Variants in ST18 observed in about 807,000 individuals in gnomAD.
The protein encoded by ST18 is suppression of tumorigenicity 18 protein.
A neutral mutation model predicts 110.0 loss-of-function variants in ST18; 50 were observed. That is an observed-to-expected ratio of 0.45 (90% CI 0.36 to 0.58). The LOEUF is 0.58. Ranked by LOEUF, ST18 falls within the 20% of genes least tolerant of loss-of-function variation. The probability of loss-of-function intolerance (pLI) is 0.00; values close to 1 mark genes in which losing one functional copy is unlikely to be tolerated. For synonymous variants in ST18, 461 were observed against 452.4 expected (o/e 1.02, Z -0.24); for missense variants, 1,306 against 1,280.1 (o/e 1.02, Z -0.31).
intron 2 of ST18, among the ~76,000 whole-genome samples, chr8:52,352,388 C>T (rs1217652796): frequency 2.0e-5 from 3 of 152,228 alleles, no homozygotes; most frequent in Non-Finnish European, 4.4e-5. Flanking sequence ...ATACTCTCAA[C>T]TGGGTGCCTT....
Position 52,172,074 on chromosome 8 carries a change from G to C in ST18, c.787C>G (p.Leu263Val). 6.2e-7 allele frequency: 1 copy of C among 1,614,208 alleles called. No homozygotes were observed. The highest frequency in any genetic ancestry group is 8.5e-7 in the Non-Finnish European group (1 of 1,180,042). ...ETERKDPQNA[L>V]AEPLDGNAQP... ...GCATTGCCATCCAGGGGTTCTGCGA[G>C]AGCATTCTGCGGGTCTTTCCTTTCT... is the stretch of plus-strand genomic sequence containing the variant. The change falls in exon 10 of 26, where the codon CTC becomes GTC. Residue 263 changes from leucine (L) to valine (V), a missense_variant. Physicochemically the swap from Leu to Val is conservative, Grantham distance 32. Transcript: ENST00000689386.
chr8:52,247,166 T>C (rs2093929343), intron 2 of ST18, among the ~76,000 whole-genome samples: 1 of 152,192 alleles, frequency 6.6e-6, no homozygotes, highest in Non-Finnish European at 1.5e-5. Context: ...ATTTGTTAAA[T>C]GAGTGAATCA....
intron 2 of ST18, chr8:52,249,316 G>A (rs1340898514): frequency 6.6e-6 from 1 of 152,360 alleles, no homozygotes; most frequent in Non-Finnish European, 1.5e-5. Flanking sequence ...GCTAAGATCT[G>A]TTCTACTTTC....
rs937624628 is a variant in ST18 at position 52,110,854 on chromosome 8, T to A, written c.*2344A>T. 1.0e-5 allele frequency: 4 copies of A among 382,708 alleles called. No homozygotes were observed. Among genetic ancestry groups the A allele is most frequent in the African/African-American group, 8.3e-5 (4 of 48,244 alleles). The allele number at this position is 382,708 out of a possible 1,614,324, so 23.7% of individuals were successfully genotyped here. A position where few individuals can be genotyped will look rare whatever the true frequency, so the allele number is the denominator to read the frequency against. On this transcript the variant is annotated 3_prime_UTR_variant, in exon 26 of 26. Transcript: ENST00000689386. The stretch of plus-strand genomic sequence containing the variant: ...CATCAAAACTCGTTATCAATTTTTA[T>A]TTCCTACCATACACCAAATGTACAG...
intron 2 of ST18, chr8:52,254,225 T>C (rs916289502): frequency 6.6e-6 from 1 of 152,194 alleles, no homozygotes; most frequent in African/African-American, 2.4e-5. Context: ...GTGAGCAGCA[T>C]GCGGTTCAAA....
rs199874877 is a variant in ST18, at chr8:52,132,092, G to A, written c.2532C>T (p.Ala844=). The part of the protein sequence containing the change: ...HRTASGCPLA[A]KRQKENPLNG... ...TGAGAGGATTCTCCTTCTGTCTCTT[G>A]GCAGCCAGAGGACAGCCAGAAGCTG... The change falls in exon 22 of 26, where the codon GCC becomes GCT. Residue 844 remains alanine (A), a synonymous_variant. Transcript: ENST00000689386. 45 of 1,614,130 alleles carry A rather than the reference G, an allele frequency of 2.8e-5. No homozygotes were observed. Among genetic ancestry groups the A allele is most frequent in the Non-Finnish European group, 3.8e-5 (45 of 1,180,030 alleles).
chr8:52,263,996 A>G (rs2094787121), intron 2 of ST18, among the ~76,000 whole-genome samples: 1 of 151,624 alleles, frequency 6.6e-6, no homozygotes, highest in African/African-American at 2.4e-5. Flanking sequence ...ACGGGTTTTC[A>G]CCATGTTAGC....
rs181877153 is a variant in ST18, at chr8:52,395,178, T to C, written c.-465+14150A>G. Reference sequence around the variant, plus strand: ...GACCACCACCATCTCTCCTGTACAATGGCACTTCACTGAGCATCTACTGTG... The same window carrying C: ...GACCACCACCATCTCTCCTGTACAACGGCACTTCACTGAGCATCTACTGTG... On this transcript the variant is annotated intron_variant, in intron 2 of 25. Coordinates refer to ENST00000689386, the MANE Select transcript of ST18 (RefSeq NM_001352837.2). Among the ~76,000 whole-genome samples the C allele has an allele frequency of 1.2e-3, 181 of 152,330 alleles. 1 individual carries two copies. The Middle Eastern group carries it at 0.027, about 23-fold the overall frequency.
In ST18 at chr8:52,180,320, G is replaced by C. The variant is rs894236722; in HGVS notation, c.87-8C>G. ...GAGCAATCATAGGCAACACTGTAGT[G>C]ATTGAGGAAAATTAAGAATATGGTA... On this transcript the variant is annotated splice_region_variant and splice_polypyrimidine_tract_variant and intron_variant, in intron 8 of 25. Transcript: ENST00000689386. 5 of 1,613,052 alleles carry C rather than the reference G, an allele frequency of 3.1e-6. No individual in the cohort carries two copies. The highest frequency in any genetic ancestry group is 2.2e-5 in the East Asian group (1 of 44,882).
At chr8:52,219,614 C>A (rs1169104558) in intron 5 of ST18, among the ~76,000 whole-genome samples, 1 of 152,154 alleles carries the variant, frequency 6.6e-6, no homozygotes, top group East Asian at 1.9e-4. Context: ...CTAATCCCTC[C>A]TACACCTGTA....
At chr8:52,147,263 A>G (rs1000053180) in intron 16 of ST18, among the ~76,000 whole-genome samples, 8 of 152,224 alleles carry the variant, frequency 5.3e-5, no homozygotes, top group Non-Finnish European at 1.5e-5. Context: ...GTCTACCAAG[A>G]TGAATCCAGA....
chr8:52,325,177 G>A (rs897200740), intron 2 of ST18, among the ~76,000 whole-genome samples: 4 of 152,156 alleles, frequency 2.6e-5, no homozygotes, highest in African/African-American at 9.7e-5. Flanking sequence ...TCACAATGGT[G>A]GAGCTGCTGA....
chr8:52,348,504 G>A (rs576422364), intron 2 of ST18, among the ~76,000 whole-genome samples: 4 of 152,344 alleles, frequency 2.6e-5, no homozygotes, highest in African/African-American at 9.6e-5. Context: ...TGTAATCCCA[G>A]CACTTCGGGA....
In ST18 at chr8:52,116,382, C is replaced by G. The variant is rs544004934; in HGVS notation, c.2896G>C (p.Glu966Gln). ...TTCTGTTCTATGAGTTTGTTCTCCTCCTCTATCGTCTTTAAGTTGCTCTCC... is the reference window on the plus strand; with the variant it reads ...TTCTGTTCTATGAGTTTGTTCTCCTGCTCTATCGTCTTTAAGTTGCTCTCC... ...SMESNLKTIE[E>Q]ENKLIEQNNE... The change falls in exon 25 of 26, where the codon GAG becomes CAG. Residue 966 changes from glutamate to glutamine, a missense_variant. By Grantham distance (29) the Glu-to-Gln change is conservative (BLOSUM62 2). Coordinates refer to ENST00000689386, the MANE Select transcript of ST18 (RefSeq NM_001352837.2). 232 of 1,613,806 alleles carry G rather than the reference C, an allele frequency of 1.4e-4. No individual in the cohort carries two copies. The highest frequency in any genetic ancestry group is 1.9e-4 in the Non-Finnish European group (226 of 1,179,920).
chr8:52,172,419 T>G lies in ST18; in HGVS notation c.442A>C (p.Asn148His). ...GACTGGATGCCACTGTCATTTAAAT[T>G]TTCACTTACAGTCTGAACAGATACA... ...KNVSVQTVSENLNDSGIQSLK... is the reference protein window; with the variant it reads ...KNVSVQTVSEHLNDSGIQSLK... The change falls in exon 10 of 26, where the codon AAT becomes CAT. Residue 148 changes from asparagine to histidine, a missense_variant. By Grantham distance (68) the Asn-to-His change is moderately conservative. Transcript: ENST00000689386. 1 of 1,614,024 alleles carries G rather than the reference T, an allele frequency of 6.2e-7. No homozygotes were observed. The highest frequency in any genetic ancestry group is 8.5e-7 in the Non-Finnish European group (1 of 1,180,034).
chr8:52,390,752 C>CA (rs1285064610), intron 2 of ST18, among the ~76,000 whole-genome samples: 1 of 152,198 alleles, frequency 6.6e-6, no homozygotes, highest in East Asian at 1.9e-4. Flanking sequence ...GCCCGTGCCA[C>CA]AGCGACGGTG....
chr8:52,362,537 T>TG, intron 2 of ST18, among the ~76,000 whole-genome samples: 1 of 152,312 alleles, frequency 6.6e-6, no homozygotes, highest in African/African-American at 2.4e-5. Flanking sequence ...ATAGGATTAT[T>TG]GGGGGAATAA....
At chr8:52,248,125 C>T (rs2094001399) in intron 2 of ST18, among the ~76,000 whole-genome samples, 4 of 152,030 alleles carry the variant, frequency 2.6e-5, no homozygotes, top group Admixed American at 2.0e-4. Context: ...ATATTATTTA[C>T]CTATATTATG....
Position 52,133,072 on chromosome 8 carries a change from T to C in ST18, c.2429A>G (p.Glu810Gly), listed in dbSNP as rs1393799093. The stretch of plus-strand genomic sequence containing the variant: ...TTGCACTTACTTCAGTTCAGGGTCT[T>C]CTTTTTCTTCCTTGGTAGGGGTCAT... ...VKMTPTKEEK[E>G]DPELKCPVIG... Residue 810 changes from glutamate to glycine, a missense_variant, in exon 21 of 26, where the codon GAA becomes GGA. Transcript: ENST00000689386. 6.2e-7 allele frequency: 1 copy of C among 1,614,188 alleles called. No homozygotes were observed. The highest frequency in any genetic ancestry group is 8.5e-7 in the Non-Finnish European group (1 of 1,180,024).
Sources: gnomAD v4.1 joint callset for allele counts (sites outside exome capture counted in the v4.1 genomes callset) on GRCh38, gnomAD v4.1.1 for gene constraint, MANE v1.5 for transcripts, NCBI Gene and HGNC (gene_info 2026-07-23, HGNC 2026-07-21) for gene names.